The following TCF3 variants were observed in gnomAD, a reference collection of about 807,000 sequenced individuals.
The protein encoded by TCF3 is transcription factor E2-alpha.
A neutral mutation model predicts 72.3 loss-of-function variants in TCF3; 54 were observed. The ratio of observed to expected loss-of-function variants is 0.75; its 90% CI spans 0.60 to 0.94. TCF3 has a LOEUF of 0.94. Ranked by LOEUF, TCF3 falls within the 40% of genes least tolerant of loss-of-function variation. The pLI, the probability that TCF3 is intolerant of heterozygous loss-of-function variation, is 0.00. For missense variants in TCF3, 1,078 were observed against 934.4 expected (o/e 1.15, Z -2.00); for synonymous variants, 525 against 412.6 (o/e 1.27, Z -3.30).
Position 1,625,618 on chromosome 19 carries a change from A to G in TCF3, c.457T>C (p.Tyr153His). Reference sequence around the variant, plus strand: ...GCTCTCCGCCGGGAGCTGCCGGAGTAGGAGGGGTAGTACTGGGAGGTCCCC... The same window carrying G: ...GCTCTCCGCCGGGAGCTGCCGGAGTGGGAGGGGTAGTACTGGGAGGTCCCC... ...MKGTSQYYPS[Y>H]SGSSRRRAAD... Residue 153 changes from tyrosine to histidine, a missense_variant, in exon 7 of 19, where the codon TAC (tyrosine) becomes CAC (histidine). Physicochemically the swap from Tyr to His is moderately conservative, Grantham distance 83. Transcript: ENST00000262965. 1 of 1,581,402 alleles carries G rather than the reference A, an allele frequency of 6.3e-7. No homozygotes were observed. Among genetic ancestry groups the G allele is most frequent in the Admixed American group, 1.8e-5 (1 of 56,376 alleles).
Position 1,621,160 on chromosome 19 carries a change from C to G in TCF3, c.987G>C (p.Gly329=), listed in dbSNP as rs778489944. ...AGGCCAGTGCTTTGCCGAGGGCATC[C>G]CCGGAGCTGCCAGCTGTGGTCCCTC... ...GSRGTTAGSS[G]DALGKALASI... The change falls in exon 12 of 19, where the codon GGG becomes GGC. Residue 329 remains glycine, a synonymous_variant. Transcript: ENST00000262965. The G allele has an allele frequency of 1.6e-5, 24 of 1,539,244 alleles. No individual in the cohort carries two copies. The East Asian group carries it at 5.9e-4, about 38-fold the overall frequency.
Position 1,609,815 on chromosome 19 carries a change from G to A in TCF3, c.*1892C>T, listed in dbSNP as rs2060864026. ...GGCCCAGGCTCCCAAGCCAGTCTGG[G>A]GAGGGGAGTCAGGCAGTCCAGGATC... is the stretch of plus-strand genomic sequence containing the variant. On this transcript the variant is annotated 3_prime_UTR_variant, in exon 19 of 19. Transcript: ENST00000262965. The A allele has an allele frequency of 1.3e-5, 3 of 231,758 alleles. No individual in the cohort carries two copies. Among genetic ancestry groups the A allele is most frequent in the Non-Finnish European group, 1.7e-5 (2 of 117,218 alleles). The allele number at this position is 231,758 out of a possible 1,614,324, so 14.4% of individuals were successfully genotyped here. A position where few individuals can be genotyped will look rare whatever the true frequency, so the allele number is the denominator to read the frequency against.
At position 1,629,532 on chromosome 19, in the gene TCF3, A is replaced by G. The variant is rs10408315; in HGVS notation, c.299-2106T>C. 5.6e-3 allele frequency among the ~76,000 whole-genome samples: 840 copies of G among 150,522 alleles called. 5 individuals are homozygous for G. The highest frequency in any genetic ancestry group is 0.019 in the African/African-American group (795 of 40,916). On this transcript the variant is annotated intron_variant, in intron 5 of 18. Coordinates refer to ENST00000262965, the MANE Select transcript of TCF3 (RefSeq NM_003200.5). Reference sequence around the variant, plus strand: ...GGCTACGGAGGGGAACAGCTGGCCAAGGCGAGCCCCCAGCATGGAGGGCCT... The same window carrying G: ...GGCTACGGAGGGGAACAGCTGGCCAGGGCGAGCCCCCAGCATGGAGGGCCT...
At chr19:1,642,252 A>G (rs995728796) in intron 3 of TCF3, among the ~76,000 whole-genome samples, 5 of 151,544 alleles carry the variant, frequency 3.3e-5, no homozygotes, top group African/African-American at 1.2e-4. Context: ...ACGCACACAC[A>G]CGTGCGCACA....
chr19:1,646,879 G>A (rs1020485457), intron 2 of TCF3, among the ~76,000 whole-genome samples: 6 of 152,242 alleles, frequency 3.9e-5, no homozygotes, highest in African/African-American at 1.4e-4. Flanking sequence ...GGATGCCTGA[G>A]CCCTGGCTGA....
In TCF3 at chr19:1,622,431, C is replaced by CGGGGGGGGGGGGGGGG; in HGVS notation, c.550-17_550-16insCCCCCCCCCCCCCCCC. 2 of 441,804 alleles carry CGGGGGGGGGGGGGGGG rather than the reference C, an allele frequency of 4.5e-6. No individual in the cohort carries two copies. Among genetic ancestry groups the CGGGGGGGGGGGGGGGG allele is most frequent in the East Asian group, 5.5e-5 (1 of 18,028 alleles). The allele number at this position is 441,804 out of a possible 1,614,324, so 27.4% of individuals were successfully genotyped here. On this transcript the variant is annotated splice_polypyrimidine_tract_variant and intron_variant, in intron 8 of 18. Coordinates refer to ENST00000262965, the MANE Select transcript of TCF3 (RefSeq NM_003200.5). ...GTGGGTACACCTGCGGGCGGGTGGG[C>CGGGGGGGGGGGGGGGG]GGTGGGGGGTGCAGTCAGGACGGAG... is the stretch of plus-strand genomic sequence containing the variant.
chr19:1,611,908 G>A, intron 18 of TCF3, 59 bp from the exon 19 acceptor site: 3 of 920,094 alleles, frequency 3.3e-6, no homozygotes, highest in East Asian at 4.6e-5. Flanking sequence ...AAGATGTGAG[G>A]TGGGAGTGGG....
rs2067146519 is a variant in TCF3, at chr19:1,651,867, A to T, written c.-40+433T>A. Among the ~76,000 whole-genome samples, 3 of 149,966 alleles carry T rather than the reference A, an allele frequency of 2.0e-5. No individual in the cohort carries two copies. In the South Asian group the frequency reaches 6.3e-4, roughly 31 times the overall value. ...GCGGCACCTTCCCCGCGCAGACAAA[A>T]GGACGTCCCTCCCGCGCGCTCCCCA... On this transcript the variant is annotated intron_variant, in intron 1 of 18. Transcript: ENST00000262965.
chr19:1,622,405 G>A lies in TCF3; in HGVS notation c.560C>T (p.Pro187Leu), dbSNP rs1317933653. The change falls in exon 9 of 19, where the codon CCC (proline) becomes CTC (leucine). Residue 187 changes from proline (P) to leucine (L), a missense_variant. Pro to Leu is a moderately conservative substitution (Grantham distance 98). Transcript: ENST00000262965. The part of the protein sequence containing the change: ...PPGLPSSVYP[P>L]SSGEDYGRDA... ...CCTGCCGTAGTCCTCACCTGAGCTG[G>A]GTGGGTACACCTGCGGGCGGGTGGG... is the stretch of plus-strand genomic sequence containing the variant. 2 of 1,492,614 alleles carry A rather than the reference G, an allele frequency of 1.3e-6. No individual in the cohort carries two copies. Among genetic ancestry groups the A allele is most frequent in the Admixed American group, 2.3e-5 (1 of 42,608 alleles). 92.5% of individuals were successfully genotyped at this position (1,492,614 alleles called of 1,614,324 possible).
At position 1,611,335 on chromosome 19, in the gene TCF3, T is replaced by A. The variant is rs2060968388; in HGVS notation, c.*372A>T. The A allele has an allele frequency of 2.0e-5, 8 of 392,740 alleles. No individual in the cohort carries two copies. In the East Asian group the frequency reaches 2.9e-4, roughly 14 times the overall value. 24.3% of individuals were successfully genotyped at this position (392,740 alleles called of 1,614,324 possible). ...GGCATTTTTTTCTTCTCTGACAAAG[T>A]GTATGTTTTGTTGCTTGCTTTCAGG... On this transcript the variant is annotated 3_prime_UTR_variant, in exon 19 of 19. Transcript: ENST00000262965.
intron 14 of TCF3, 30 bp downstream of exon 14, chr19:1,619,750 A>AGGGTGGGGTGGGGTGGGGTG: frequency 2.2e-6 from 2 of 922,250 alleles, no homozygotes; most frequent in Non-Finnish European, 3.0e-6. Context: ...CTGTCGGGGA[A>AGGGTGGGGTGGGGTGGGGTG]GGGTGGGGTG....
chr19:1,611,771 T>TG lies in TCF3; in HGVS notation c.1900dup (p.Gln634ProfsTer68), dbSNP rs1339070044. 1 of 1,613,524 alleles carries TG rather than the reference T, an allele frequency of 6.2e-7. No homozygotes were observed. The highest frequency in any genetic ancestry group is 8.5e-7 in the Non-Finnish European group (1 of 1,179,942). The stretch of plus-strand genomic sequence containing the variant: ...TGGGTGGGGAGCTGAAAGCACCATC[T>TG]GGGGGTCTCCAACCACACCTGACAC... On this transcript the variant is annotated frameshift_variant, in exon 19 of 19. Coordinates refer to ENST00000262965, the MANE Select transcript of TCF3 (RefSeq NM_003200.5). LOFTEE classifies it low-confidence loss of function (END_TRUNC).
Position 1,621,908 on chromosome 19 carries a change from TGAG to T in TCF3, c.882_884del (p.Ser295del), listed in dbSNP as rs550914200. 4,859 of 1,601,692 alleles carry T rather than the reference TGAG, an allele frequency of 3.0e-3. 18 individuals carry two copies. Among genetic ancestry groups the T allele is most frequent in the Non-Finnish European group, 3.8e-3 (4,470 of 1,175,584 alleles). ...CGCCGCCGTACGTGGCTCCGGGGGCTGAGGAGAAGGAGGATGCAGATGGGAGCC... is the reference window on the plus strand; with the variant it reads ...CGCCGCCGTACGTGGCTCCGGGGGCTGAGAAGGAGGATGCAGATGGGAGCC... On this transcript the variant is annotated inframe_deletion, in exon 11 of 19. Coordinates refer to ENST00000262965, the MANE Select transcript of TCF3 (RefSeq NM_003200.5).
At chr19:1,647,436 C>T (rs1325713986) in intron 2 of TCF3, among the ~76,000 whole-genome samples, 1 of 152,236 alleles carries the variant, frequency 6.6e-6, no homozygotes, top group Non-Finnish European at 1.5e-5. Flanking sequence ...GCGCCTGTGG[C>T]CACGATCCAC....
chr19:1,619,300 C>T lies in TCF3; in HGVS notation c.1326+16G>A. 6.4e-7 allele frequency: 1 copy of T among 1,568,206 alleles called. No individual in the cohort carries two copies. Among genetic ancestry groups the T allele is most frequent in the Non-Finnish European group, 8.6e-7 (1 of 1,163,104 alleles). Reference sequence around the variant, plus strand: ...TCCCCGCCCACTGCCCAGCTCCACCCTCGCCCAGCGCTCACCAGGCCTGCG... The same window carrying T: ...TCCCCGCCCACTGCCCAGCTCCACCTTCGCCCAGCGCTCACCAGGCCTGCG... On this transcript the variant is annotated intron_variant, in intron 15 of 18. Transcript: ENST00000262965.
In TCF3 at chr19:1,613,057, G is replaced by A. The variant is rs367745199; in HGVS notation, c.1823-1208C>T. 7.9e-5 allele frequency among the ~76,000 whole-genome samples: 12 copies of A among 151,504 alleles called. No homozygotes were observed. The South Asian group carries it at 1.7e-3, about 21-fold the overall frequency. ...GCAGTGTAGGTACACGGCTGGTGTC[G>A]GGCACAGCAATGCAGGTACATGGCT... On this transcript the variant is annotated intron_variant, in intron 18 of 18. Transcript: ENST00000262965.
intron 3 of TCF3, 109 bp downstream of exon 3, chr19:1,646,246 C>A (rs761431062): frequency 3.3e-6 from 4 of 1,209,878 alleles, no homozygotes; most frequent in Non-Finnish European, 4.7e-6. Context: ...TGGCCCTTTC[C>A]CCATTGTCTC....
At chr19:1,649,704 G>A (rs1184451431) in intron 2 of TCF3, among the ~76,000 whole-genome samples, 1 of 152,204 alleles carries the variant, frequency 6.6e-6, no homozygotes, top group African/African-American at 2.4e-5. Context: ...ATGACAGGTG[G>A]GAACCACTGT....
At chr19:1,612,725 G>A (rs1320798650) in intron 18 of TCF3, among the ~76,000 whole-genome samples, 1 of 150,984 alleles carries the variant, frequency 6.6e-6, no homozygotes, top group Admixed American at 6.6e-5. Flanking sequence ...TGGTGTGGGT[G>A]TGGGCAGCAG....
Sources: gnomAD v4.1 joint callset for allele counts (sites outside exome capture counted in the v4.1 genomes callset) on GRCh38, gnomAD v4.1.1 for gene constraint, MANE v1.5 for transcripts, NCBI Gene and HGNC (gene_info 2026-07-23, HGNC 2026-07-21) for gene names.